Variants in TGM6 observed in about 807,000 individuals in gnomAD.
The protein encoded by TGM6 is transglutaminase 6, also known as protein-glutamine gamma-glutamyltransferase 6.
In TGM6, 74 loss-of-function variants were observed where a neutral mutation model predicts 77.5. The ratio of observed to expected loss-of-function variants is 0.96; its 90% CI spans 0.79 to 1.16. TGM6 has a LOEUF of 1.16. Ranked by LOEUF, TGM6 falls within the 50% of genes most tolerant of loss-of-function variation. The pLI, the probability that TGM6 is intolerant of heterozygous loss-of-function variation, is 0.00. For missense variants in TGM6, 968 were observed against 940.2 expected (o/e 1.03, Z -0.39); for synonymous variants, 383 against 378.9 (o/e 1.01, Z -0.12).
In TGM6 at chr20:2,417,551, C is replaced by T. The variant is rs75601099; in HGVS notation, c.1656C>T (p.Ala552=). The change falls in exon 10 of 13, where the codon GCC becomes GCT. Residue 552 remains alanine (A), a synonymous_variant. Transcript: ENST00000202625. ...CAGAGATCCTGCATGAATCCCACGC[C>T]GTGAGGCTGGGGCCGCAAGAAGGTA... ...PVAEILHESH[A]VRLGPQEEKR... 1.0e-3 allele frequency: 1,661 copies of T among 1,603,380 alleles called. 13 individuals are homozygous for T. In the African/African-American group the frequency reaches 0.02, roughly 19 times the overall value.
chr20:2,396,215 A>G (rs2084665885), intron 3 of TGM6, among the ~76,000 whole-genome samples: 1 of 152,070 alleles, frequency 6.6e-6, no homozygotes, highest in African/African-American at 2.4e-5. Flanking sequence ...ATAAGAAAAA[A>G]AGAAGGAAAT....
chr20:2,410,935 A>G (rs769223684), intron 9 of TGM6, among the ~76,000 whole-genome samples: 2 of 152,248 alleles, frequency 1.3e-5, no homozygotes, highest in Non-Finnish European at 2.9e-5. Context: ...TAGATTCACA[A>G]CAAGTAAAAA....
At chr20:2,388,711 TTTA>T (rs2084612331) in intron 1 of TGM6, among the ~76,000 whole-genome samples, 1 of 152,144 alleles carries the variant, frequency 6.6e-6, no homozygotes, top group Non-Finnish European at 1.5e-5. Context: ...CCTCATATGG[TTTA>T]TTAAGATTAA....
intron 6 of TGM6, 93 bp downstream of exon 6, chr20:2,399,831 C>CAATGAAGATGGG: frequency 2.7e-6 from 3 of 1,131,830 alleles, no homozygotes; most frequent in Non-Finnish European, 3.8e-6. Context: ...TGCAACCCAT[C>CAATGAAGATGGG]TTCATTGATG....
rs755613950 is a variant in TGM6 at position 2,396,578 on chromosome 20, G to A, written c.497G>A (p.Arg166Gln). Residue 166 changes from arginine (R) to glutamine (Q), a missense_variant, in exon 4 of 13, where the codon CGA becomes CAA. Physicochemically the swap from Arg to Gln is conservative, Grantham distance 43. Transcript: ENST00000202625. ...YVLSDSGIIF[R>Q]GVEKHIRAQG... ...CTCAGCGACAGCGGCATCATCTTCCGAGGCGTGGAGAAGCACATACGAGCC... is the reference window on the plus strand; with the variant it reads ...CTCAGCGACAGCGGCATCATCTTCCAAGGCGTGGAGAAGCACATACGAGCC... 1.4e-5 allele frequency: 22 copies of A among 1,614,090 alleles called. No homozygotes were observed. Among genetic ancestry groups the A allele is most frequent in the African/African-American group, 5.3e-5 (4 of 74,920 alleles).
intron 1 of TGM6, among the ~76,000 whole-genome samples, chr20:2,381,463 C>T (rs949995246): frequency 6.6e-6 from 1 of 152,150 alleles, no homozygotes; most frequent in African/African-American, 2.4e-5. Flanking sequence ...AGCTATATGA[C>T]CTTGAGCAAG....
intron 5 of TGM6, among the ~76,000 whole-genome samples, chr20:2,399,003 C>T (rs1951571295): frequency 6.6e-6 from 1 of 152,120 alleles, no homozygotes; most frequent in Non-Finnish European, 1.5e-5. Flanking sequence ...CAGAGCATCA[C>T]AGCCCTGAGG....
intron 9 of TGM6, among the ~76,000 whole-genome samples, chr20:2,409,053 A>C (rs962534304): frequency 5.3e-5 from 8 of 152,190 alleles, no homozygotes; most frequent in African/African-American, 1.9e-4. Flanking sequence ...GAAGGGTAGC[A>C]TTATCCAGAA....
chr20:2,394,014 G>A (rs978863215), intron 1 of TGM6, among the ~76,000 whole-genome samples: 3 of 152,104 alleles, frequency 2.0e-5, no homozygotes, highest in Non-Finnish European at 4.4e-5. Flanking sequence ...AAGAGGCTGG[G>A]CAAGGTGCCT....
chr20:2,410,461 T>C (rs140558139), intron 9 of TGM6, among the ~76,000 whole-genome samples: 2 of 152,066 alleles, frequency 1.3e-5, no homozygotes, highest in African/African-American at 4.8e-5. Context: ...AAACCAGGAA[T>C]GGTAAGTAAA....
chr20:2,382,831 C>T (rs192970272), intron 1 of TGM6, among the ~76,000 whole-genome samples: 3 of 152,238 alleles, frequency 2.0e-5, no homozygotes, highest in Non-Finnish European at 2.9e-5. Flanking sequence ...AGAGCTCTTC[C>T]CTCTGGAGCC....
intron 3 of TGM6, 39 bp from the exon 4 acceptor site, chr20:2,396,467 G>A: frequency 1.2e-6 from 2 of 1,603,230 alleles, no homozygotes; most frequent in Non-Finnish European, 1.7e-6. Context: ...AGCAAGGCCA[G>A]AGCCCCAGTC....
At chr20:2,405,545 G>T (rs995865073) in intron 9 of TGM6, among the ~76,000 whole-genome samples, 1 of 152,200 alleles carries the variant, frequency 6.6e-6, no homozygotes, top group African/African-American at 2.4e-5. Flanking sequence ...ACTGGGTGAG[G>T]ATTCAGTGCT....
At chr20:2,410,021 C>T (rs928392990) in intron 9 of TGM6, among the ~76,000 whole-genome samples, 2 of 152,154 alleles carry the variant, frequency 1.3e-5, no homozygotes, top group African/African-American at 2.4e-5. Context: ...CAGTTTCTGG[C>T]ACACAGCTCC....
Position 2,394,454 on chromosome 20 carries a change from AT to A in TGM6, c.11del (p.Ile4ThrfsTer41), listed in dbSNP as rs1218671148. 5.0e-6 allele frequency: 8 copies of A among 1,611,356 alleles called. No homozygotes were observed. The highest frequency in any genetic ancestry group is 6.8e-6 in the Non-Finnish European group (8 of 1,179,816). MAGIRVTKVDWQRS... is the reference protein window; with the variant it reads MAGXRVTKVDWQRS... Reference sequence around the variant, plus strand: ...CTCCCTGTCCTCTCCCCACCCAGGGATCAGAGTCACCAAGGTGGACTGGCAG... The same window carrying A: ...CTCCCTGTCCTCTCCCCACCCAGGGACAGAGTCACCAAGGTGGACTGGCAG... On this transcript the variant is annotated frameshift_variant, in exon 2 of 13. Transcript: ENST00000202625. LOFTEE classifies it high-confidence loss of function.
intron 4 of TGM6, among the ~76,000 whole-genome samples, chr20:2,396,944 C>T (rs1239763864): frequency 6.6e-6 from 1 of 152,168 alleles, no homozygotes. Context: ...CTGGACCCCA[C>T]CCCCAGAGCT....
chr20:2,383,982 C>G (rs6036312), intron 1 of TGM6, among the ~76,000 whole-genome samples: 1 of 151,876 alleles, frequency 6.6e-6, no homozygotes. Flanking sequence ...TGGTGGACAC[C>G]TGTAGTCCCA....
intron 4 of TGM6, 43 bp downstream of exon 4, chr20:2,396,667 TG>T (rs1216180800): frequency 6.3e-6 from 10 of 1,593,488 alleles, no homozygotes; most frequent in Non-Finnish European, 8.6e-6. Flanking sequence ...GGCTGGGGCA[TG>T]GGGAGGTCGG....
At chr20:2,381,848 G>T (rs987997408) in intron 1 of TGM6, among the ~76,000 whole-genome samples, 2 of 152,272 alleles carry the variant, frequency 1.3e-5, no homozygotes, top group East Asian at 3.9e-4. Flanking sequence ...AGCTTAGGAG[G>T]TAGAGGCTAC....
Sources: allele counts gnomAD v4.1 joint callset (sites outside exome capture counted in the v4.1 genomes callset), GRCh38; gene constraint gnomAD v4.1.1; transcripts MANE v1.5; gene names NCBI Gene and HGNC (gene_info 2026-07-23, HGNC 2026-07-21).